ZDHHC14: variants seen among roughly 807,000 people sequenced by gnomAD.
The protein encoded by ZDHHC14 is palmitoyltransferase ZDHHC14.
ZDHHC14 carries 16 observed loss-of-function variants against 47.7 expected under a neutral mutation model. That is an observed-to-expected ratio of 0.34 (90% CI 0.23 to 0.51). The LOEUF (loss-of-function observed/expected upper bound fraction) is 0.51, where lower values mean the gene tolerates loss of function less well. ZDHHC14 is among the 20% of genes least tolerant of loss of function. The pLI, the probability that ZDHHC14 is intolerant of heterozygous loss-of-function variation, is 0.97. For synonymous variants in ZDHHC14, 293 were observed against 278.9 expected (o/e 1.05, Z -0.50); for missense variants, 515 against 662.5 (o/e 0.78, Z 2.44).
chr6:157,511,385 CTTT>C (rs35757516), intron 1 of ZDHHC14, among the ~76,000 whole-genome samples: 84 of 145,588 alleles, frequency 5.8e-4, no homozygotes, highest in African/African-American at 2.1e-3. Flanking sequence ...CATGAGGAAA[CTTT>C]TTTTTTTTTT....
chr6:157,435,956 G>A (rs1401925221), intron 1 of ZDHHC14, among the ~76,000 whole-genome samples: 1 of 152,202 alleles, frequency 6.6e-6, no homozygotes, highest in Admixed American at 6.5e-5. Flanking sequence ...GTGGGTAGGG[G>A]CATGGAGGAT....
chr6:157,602,523 C>T (rs1004491410), intron 3 of ZDHHC14, among the ~76,000 whole-genome samples: 4 of 151,556 alleles, frequency 2.6e-5, no homozygotes, highest in African/African-American at 9.7e-5. Context: ...TTCAGTGCCA[C>T]CGGGAGCTGT....
chr6:157,496,710 T>C (rs1464944888), intron 1 of ZDHHC14, among the ~76,000 whole-genome samples: 1 of 152,162 alleles, frequency 6.6e-6, no homozygotes, highest in African/African-American at 2.4e-5. Context: ...AGAAAGAACA[T>C]GGACCTGCCA....
intron 1 of ZDHHC14, among the ~76,000 whole-genome samples, chr6:157,484,421 CAT>C (rs201988272): frequency 0.032 from 4,616 of 143,638 alleles, 232 homozygotes; most frequent in African/African-American, 0.1. Context: ...TACACATATA[CAT>C]ATATATACGT....
intron 1 of ZDHHC14, among the ~76,000 whole-genome samples, chr6:157,418,468 C>T (rs1778030062): frequency 6.6e-6 from 1 of 152,128 alleles, no homozygotes; most frequent in Admixed American, 6.5e-5. Flanking sequence ...ATGTATGGAA[C>T]AGGACATGTT....
At chr6:157,405,108 T>C (rs1359235092) in intron 1 of ZDHHC14, among the ~76,000 whole-genome samples, 1 of 152,158 alleles carries the variant, frequency 6.6e-6, no homozygotes, top group Non-Finnish European at 1.5e-5. Context: ...TCATTAAAAA[T>C]ATATATTCTA....
intron 5 of ZDHHC14, among the ~76,000 whole-genome samples, chr6:157,637,576 A>T (rs1382318359): frequency 6.6e-6 from 1 of 152,216 alleles, no homozygotes; most frequent in Non-Finnish European, 1.5e-5. Flanking sequence ...CTCCATCCAG[A>T]GCAAGAATCT....
intron 2 of ZDHHC14, among the ~76,000 whole-genome samples, chr6:157,589,769 G>A (rs2114886909): frequency 6.6e-6 from 1 of 152,240 alleles, no homozygotes; most frequent in South Asian, 2.1e-4. Context: ...TTGGGTAGTG[G>A]GGCACTGCTA....
At chr6:157,653,115 G>A (rs937185298) in intron 7 of ZDHHC14, among the ~76,000 whole-genome samples, 11 of 152,306 alleles carry the variant, frequency 7.2e-5, no homozygotes, top group African/African-American at 2.4e-4. Flanking sequence ...TTTCCCACAC[G>A]CTACACTGGC....
At chr6:157,626,898 G>T (rs867723044) in intron 3 of ZDHHC14, among the ~76,000 whole-genome samples, 3 of 148,796 alleles carry the variant, frequency 2.0e-5, no homozygotes, top group South Asian at 2.2e-4. Context: ...GCTGGGGGGG[G>T]GGCGGCGGGG....
intron 3 of ZDHHC14, among the ~76,000 whole-genome samples, chr6:157,626,860 T>C (rs1583038025): frequency 6.8e-6 from 1 of 147,800 alleles, no homozygotes; most frequent in Non-Finnish European, 1.5e-5. Flanking sequence ...CCCAGGGAGG[T>C]TGTTTTTATT....
intron 1 of ZDHHC14, among the ~76,000 whole-genome samples, chr6:157,436,853 G>T (rs1299650023): frequency 6.6e-6 from 1 of 152,146 alleles, no homozygotes; most frequent in Non-Finnish European, 1.5e-5. Context: ...GATGCTGGAG[G>T]GAGGTCGAGG....
intron 2 of ZDHHC14, among the ~76,000 whole-genome samples, chr6:157,573,874 A>G (rs34718793): frequency 0.62 from 94,475 of 151,692 alleles, 30,543 homozygotes; most frequent in African/African-American, 0.8. Flanking sequence ...CCCCGTGCCC[A>G]TGGGCCTTGG....
intron 1 of ZDHHC14, among the ~76,000 whole-genome samples, chr6:157,535,772 C>T (rs1781527463): frequency 6.6e-6 from 1 of 152,048 alleles, no homozygotes; most frequent in Non-Finnish European, 1.5e-5. Flanking sequence ...TTTGGTTTTT[C>T]CTATTCTGGA....
At chr6:157,441,568 G>T (rs1778560883) in intron 1 of ZDHHC14, among the ~76,000 whole-genome samples, 1 of 152,208 alleles carries the variant, frequency 6.6e-6, no homozygotes, top group South Asian at 2.1e-4. Context: ...GCCAGGCACG[G>T]TGGCTCACAC....
At chr6:157,510,825 CACCAGTCCCCGAGTTTCCA>C (rs1333313916) in intron 1 of ZDHHC14, among the ~76,000 whole-genome samples, 4 of 152,254 alleles carry the variant, frequency 2.6e-5, no homozygotes, top group Admixed American at 1.3e-4. Flanking sequence ...CAGGGATGGC[CACCAGTCCCCGAGTTTCCA>C]ATGGCCTCTG....
intron 1 of ZDHHC14, among the ~76,000 whole-genome samples, chr6:157,461,651 T>C (rs1779089384): frequency 6.6e-6 from 1 of 152,146 alleles, no homozygotes; most frequent in Non-Finnish European, 1.5e-5. Context: ...CCCACCCTGA[T>C]AGACAGACAT....
At chr6:157,531,298 C>A (rs1044268270) in intron 1 of ZDHHC14, among the ~76,000 whole-genome samples, 1 of 152,098 alleles carries the variant, frequency 6.6e-6, no homozygotes, top group African/African-American at 2.4e-5. Context: ...CCTGCCCCCC[C>A]CGGACATGCC....
intron 1 of ZDHHC14, among the ~76,000 whole-genome samples, chr6:157,420,626 C>T (rs1292958755): frequency 6.6e-6 from 1 of 152,158 alleles, no homozygotes; most frequent in East Asian, 1.9e-4. Context: ...GACTGAGTGG[C>T]CTCGGTCAGC....
Sources: allele counts gnomAD v4.1 joint callset (sites outside exome capture counted in the v4.1 genomes callset), GRCh38; gene constraint gnomAD v4.1.1; transcripts MANE v1.5; gene names NCBI Gene and HGNC (gene_info 2026-07-23, HGNC 2026-07-21).